FIG4: variants seen among roughly 807,000 people sequenced by gnomAD.
The protein encoded by FIG4 is polyphosphoinositide phosphatase.
Under a neutral mutation model 118.6 loss-of-function variants are expected in FIG4, and 112 were observed. The ratio of observed to expected loss-of-function variants is 0.94; its 90% CI spans 0.81 to 1.11. The LOEUF is 1.11. Ranked by LOEUF, FIG4 falls within the 50% of genes least tolerant of loss-of-function variation. The pLI, the probability that FIG4 is intolerant of heterozygous loss-of-function variation, is 0.00. For missense variants in FIG4, 969 were observed against 1,111.7 expected, an observed-to-expected ratio of 0.87 and a Z score of 1.83; for synonymous variants, 369 against 381.2, an observed-to-expected ratio of 0.97 and a Z score of 0.37.
chr6:109,704,364 G>A (rs1438058909), intron 1 of FIG4, among the ~76,000 whole-genome samples: 1 of 152,102 alleles, frequency 6.6e-6, no homozygotes, highest in Non-Finnish European at 1.5e-5. Context: ...GTAAAAAAAT[G>A]TGGGCTTGGG....
chr6:109,761,720 T>C (rs1369445906), intron 11 of FIG4, among the ~76,000 whole-genome samples: 1 of 152,214 alleles, frequency 6.6e-6, no homozygotes, highest in Non-Finnish European at 1.5e-5. Context: ...TTTTCTGCTC[T>C]GCCACCTGCA....
chr6:109,750,336 C>T (rs1472160221), intron 10 of FIG4, among the ~76,000 whole-genome samples: 2 of 152,112 alleles, frequency 1.3e-5, no homozygotes, highest in African/African-American at 4.8e-5. Context: ...GATCTTGGAA[C>T]CCTTTGAAAT....
intron 15 of FIG4, among the ~76,000 whole-genome samples, chr6:109,773,448 T>C (rs1190376244): frequency 6.6e-6 from 1 of 152,210 alleles, no homozygotes; most frequent in Non-Finnish European, 1.5e-5. Flanking sequence ...GTTTCTCTAC[T>C]TGTTTTTTCT....
At chr6:109,706,699 G>T (rs1159549750) in intron 1 of FIG4, among the ~76,000 whole-genome samples, 1 of 152,186 alleles carries the variant, frequency 6.6e-6, no homozygotes, top group Non-Finnish European at 1.5e-5. Context: ...GCTGACTGCT[G>T]TGGTCACTGT....
At chr6:109,786,563 G>A (rs1386409161) in intron 18 of FIG4, 114 bp downstream of exon 18, 1 of 1,155,740 alleles carries the variant, frequency 8.7e-7, no homozygotes, top group South Asian at 1.2e-5. Context: ...TGTCAGGTGG[G>A]TAGTCCACCT....
intron 13 of FIG4, 127 bp from the exon 14 acceptor site, chr6:109,764,886 C>T (rs1388057339): frequency 8.8e-6 from 6 of 678,342 alleles, no homozygotes; most frequent in Non-Finnish European, 2.5e-6. Context: ...TAATACCTGC[C>T]CACAGACTTT....
intron 22 of FIG4, among the ~76,000 whole-genome samples, chr6:109,803,221 G>C (rs765199555): frequency 6.6e-6 from 1 of 152,226 alleles, no homozygotes; most frequent in Non-Finnish European, 1.5e-5. Context: ...GTAGTGTGGA[G>C]AGTGGATTAG....
At chr6:109,752,361 G>A (rs375832553) in intron 10 of FIG4, among the ~76,000 whole-genome samples, 1 of 151,170 alleles carries the variant, frequency 6.6e-6, no homozygotes, top group Non-Finnish European at 1.5e-5. Context: ...CCCAGTAATG[G>A]GATGGCTGGG....
intron 15 of FIG4, among the ~76,000 whole-genome samples, chr6:109,768,151 T>C (rs548893423): frequency 1.3e-5 from 2 of 152,118 alleles, no homozygotes; most frequent in South Asian, 4.2e-4. Context: ...GTGGGCCTCG[T>C]GGAGGAGGGT....
At chr6:109,738,756 G>A (rs114644451) in intron 7 of FIG4, among the ~76,000 whole-genome samples, 1 of 152,188 alleles carries the variant, frequency 6.6e-6, no homozygotes, top group African/African-American at 2.4e-5. Context: ...GATGGGACAG[G>A]CCCATGGGAA....
chr6:109,759,549 C>T lies in FIG4; in HGVS notation c.1138-701C>T, dbSNP rs73523063. Among the ~76,000 whole-genome samples, 947 of 152,142 alleles carry T rather than the reference C, an allele frequency of 6.2e-3. 14 individuals are homozygous for T. The highest frequency in any genetic ancestry group is 0.021 in the African/African-American group (889 of 41,512). Reference sequence around the variant, plus strand: ...GCCTAGGGAAATTGAGAACATTGCCCAAGGTCACATGGCTAGTGAGTGGCA... The same window carrying T: ...GCCTAGGGAAATTGAGAACATTGCCTAAGGTCACATGGCTAGTGAGTGGCA... On this transcript the variant is annotated intron_variant, in intron 10 of 22. Coordinates refer to ENST00000230124, the MANE Select transcript of FIG4 (RefSeq NM_014845.6).
chr6:109,771,658 C>T (rs548266167), intron 15 of FIG4, among the ~76,000 whole-genome samples: 11 of 151,756 alleles, frequency 7.2e-5, no homozygotes, highest in Non-Finnish European at 1.3e-4. Context: ...TTAGTAGAGA[C>T]GGGGTTTCAC....
intron 10 of FIG4, among the ~76,000 whole-genome samples, chr6:109,749,254 A>G (rs1430002865): frequency 6.6e-6 from 1 of 152,078 alleles, no homozygotes; most frequent in Non-Finnish European, 1.5e-5. Flanking sequence ...AATCATTCAG[A>G]TATTAAATAA....
intron 22 of FIG4, among the ~76,000 whole-genome samples, chr6:109,818,424 T>C (rs1266547192): frequency 6.6e-6 from 1 of 152,134 alleles, no homozygotes; most frequent in African/African-American, 2.4e-5. Context: ...GGTCTCGAAC[T>C]CCCGACCTCA....
chr6:109,798,609 G>A (rs1302089406), intron 22 of FIG4, among the ~76,000 whole-genome samples: 7 of 152,170 alleles, frequency 4.6e-5, no homozygotes, highest in African/African-American at 1.7e-4. Context: ...TACCTAGGAA[G>A]CGAGACTACA....
Position 109,762,202 on chromosome 6 carries a change from T to C in FIG4, c.1383T>C (p.Asp461=), listed in dbSNP as rs756459287. ...PDSYCSILRP[D]EKWNELGGCV... The stretch of plus-strand genomic sequence containing the variant: ...CTTACTGTAGCATTTTGCGGCCAGA[T>C]GAAAAGTATGTATGGTATTTTAAAA... Residue 461 remains aspartate, a synonymous_variant, in exon 12 of 23, where the codon GAT becomes GAC. Transcript: ENST00000230124. 1.3e-6 allele frequency: 2 copies of C among 1,572,566 alleles called. No homozygotes were observed. Among genetic ancestry groups the C allele is most frequent in the Non-Finnish European group, 1.8e-6 (2 of 1,142,010 alleles).
chr6:109,697,512 C>G (rs892650541), intron 1 of FIG4, among the ~76,000 whole-genome samples: 10 of 152,284 alleles, frequency 6.6e-5, no homozygotes, highest in Admixed American at 4.6e-4. Flanking sequence ...CCACAGGACT[C>G]CTTGAGTGTC....
Position 109,735,127 on chromosome 6 carries a change from T to C in FIG4, c.498-23T>C, listed in dbSNP as rs572725366. 62 of 1,606,032 alleles carry C rather than the reference T, an allele frequency of 3.9e-5. No homozygotes were observed. In the South Asian group the frequency reaches 5.8e-4, roughly 15 times the overall value. On this transcript the variant is annotated intron_variant, in intron 5 of 22. Coordinates refer to ENST00000230124, the MANE Select transcript of FIG4 (RefSeq NM_014845.6). ...ATATGCTTTGCTTTTGTAATTCTTA[T>C]TAAGTTTCAATTCTGTTCTCAGTTA... is the stretch of plus-strand genomic sequence containing the variant.
intron 10 of FIG4, among the ~76,000 whole-genome samples, chr6:109,748,762 C>T (rs2128388106): frequency 6.6e-6 from 1 of 152,160 alleles, no homozygotes; most frequent in East Asian, 1.9e-4. Context: ...TGGCGGCAGA[C>T]AAGAGAGAAT....
Sources: allele counts gnomAD v4.1 joint callset (sites outside exome capture counted in the v4.1 genomes callset), GRCh38; gene constraint gnomAD v4.1.1; transcripts MANE v1.5; gene names NCBI Gene and HGNC (gene_info 2026-07-23, HGNC 2026-07-21).